Variants in NKAIN2 observed in about 807,000 individuals in gnomAD.
The protein encoded by NKAIN2 is sodium/potassium-transporting ATPase subunit beta-1-interacting protein 2.
NKAIN2 carries 14 observed loss-of-function variants against 32.6 expected under a neutral mutation model. The observed-to-expected ratio is 0.43, with a 90% confidence interval of 0.28 to 0.67. NKAIN2 has a LOEUF of 0.67. NKAIN2 is among the 30% of genes least tolerant of loss of function. NKAIN2 has a pLI of 0.17. For synonymous variants in NKAIN2, 80 were observed against 87.2 expected, an observed-to-expected ratio of 0.92 and a Z score of 0.46; for missense variants, 198 against 258.3, an observed-to-expected ratio of 0.77 and a Z score of 1.60.
chr6:123,837,818 A>G (rs541253207), intron 1 of NKAIN2, among the ~76,000 whole-genome samples: 44 of 152,232 alleles, frequency 2.9e-4, no homozygotes, highest in Non-Finnish European at 4.4e-4. Flanking sequence ...TTTACTGTGG[A>G]ACATTCCATC....
intron 3 of NKAIN2, among the ~76,000 whole-genome samples, chr6:124,400,602 A>C (rs1359505120): frequency 6.6e-6 from 1 of 152,194 alleles, no homozygotes; most frequent in African/African-American, 2.4e-5. Flanking sequence ...CTGTACACCA[A>C]GTTTCCATTA....
intron 4 of NKAIN2, among the ~76,000 whole-genome samples, chr6:124,774,774 T>G (rs1480216397): frequency 2.7e-5 from 4 of 150,452 alleles, no homozygotes; most frequent in Admixed American, 1.3e-4. Context: ...GAGAATTGCT[T>G]GAGCCCGGGA....
At chr6:124,405,765 G>T (rs1191358305) in intron 3 of NKAIN2, among the ~76,000 whole-genome samples, 5 of 152,044 alleles carry the variant, frequency 3.3e-5, no homozygotes, top group South Asian at 2.1e-4. Context: ...CCAAAATATT[G>T]TTTTAAATAC....
intron 2 of NKAIN2, among the ~76,000 whole-genome samples, chr6:124,285,138 T>C (rs753520315): frequency 2.6e-5 from 4 of 152,198 alleles, no homozygotes; most frequent in Non-Finnish European, 4.4e-5. Flanking sequence ...CTTGATTTCA[T>C]CTTGACTGGT....
intron 1 of NKAIN2, among the ~76,000 whole-genome samples, chr6:124,246,999 C>T (rs1793442567): frequency 6.6e-6 from 1 of 151,968 alleles, no homozygotes; most frequent in African/African-American, 2.4e-5. Context: ...TTTCACCTTC[C>T]TGAGGCCTCT....
rs115948856 is a variant in NKAIN2, at chr6:124,088,861, A to G, written c.55-194144A>G. On this transcript the variant is annotated intron_variant, in intron 1 of 6. Transcript: ENST00000368417. ...TACACTTAGGTTTACAAATTCATAT[A>G]TAAGTGCCTGAATACATTATTTGTC... Among the ~76,000 whole-genome samples the G allele has an allele frequency of 5.9e-3, 900 of 152,176 alleles. 7 individuals carry two copies. Among genetic ancestry groups the G allele is most frequent in the African/African-American group, 0.021 (873 of 41,558 alleles).
rs184415560 is a variant in NKAIN2 at position 124,824,896 on chromosome 6, A to G, written c.*1667A>G. ...AATATACACACACATATACATTTGA[A>G]AATGATAGAGGAACAAAGAGTTATC... On this transcript the variant is annotated 3_prime_UTR_variant, in exon 7 of 7. Transcript: ENST00000368417. The G allele has an allele frequency of 6.6e-6, 1 of 152,550 alleles. No homozygotes were observed. The highest frequency in any genetic ancestry group is 6.5e-5 in the Admixed American group (1 of 15,290). 9.4% of individuals were successfully genotyped at this position (152,550 alleles called of 1,614,324 possible).
intron 3 of NKAIN2, among the ~76,000 whole-genome samples, chr6:124,619,570 A>T (rs1783033929): frequency 6.6e-6 from 1 of 152,206 alleles, no homozygotes. Context: ...TAGAATACTT[A>T]CATGTTTGTA....
At chr6:124,371,187 T>C (rs1014944812) in intron 3 of NKAIN2, among the ~76,000 whole-genome samples, 5 of 152,106 alleles carry the variant, frequency 3.3e-5, no homozygotes, top group African/African-American at 1.2e-4. Flanking sequence ...TCAATAAATA[T>C]AAAGCTAGAA....
chr6:124,411,796 C>A (rs1455562245), intron 3 of NKAIN2, among the ~76,000 whole-genome samples: 1 of 152,224 alleles, frequency 6.6e-6, no homozygotes, highest in East Asian at 1.9e-4. Flanking sequence ...TGGTTCCATT[C>A]TCTCCGTCAC....
chr6:124,113,620 C>T (rs1470802066), intron 1 of NKAIN2, among the ~76,000 whole-genome samples: 4 of 152,084 alleles, frequency 2.6e-5, no homozygotes, highest in Admixed American at 2.6e-4. Context: ...GTCCCCCCGC[C>T]CCGACTCCCC....
At chr6:123,859,538 C>T (rs993755016) in intron 1 of NKAIN2, among the ~76,000 whole-genome samples, 2 of 152,038 alleles carry the variant, frequency 1.3e-5, no homozygotes, top group African/African-American at 4.8e-5. Context: ...TTCTCTAAAT[C>T]TTGTGCAGTA....
rs193055388 is a variant in NKAIN2 at position 124,588,581 on chromosome 6, C to T, written c.274-69605C>T. ...AGAGGTCAGTTCAATAAATGAAATT[C>T]GCTTTCAATTATATATATTAATAAT... is the stretch of plus-strand genomic sequence containing the variant. On this transcript the variant is annotated intron_variant, in intron 3 of 6. Coordinates refer to ENST00000368417, the MANE Select transcript of NKAIN2 (RefSeq NM_001040214.3). Among the ~76,000 whole-genome samples, 633 of 152,138 alleles carry T rather than the reference C, an allele frequency of 4.2e-3. 7 individuals carry two copies. The highest frequency in any genetic ancestry group is 0.014 in the African/African-American group (600 of 41,488).
At chr6:124,364,290 A>G in intron 3 of NKAIN2, among the ~76,000 whole-genome samples, 1 of 151,328 alleles carries the variant, frequency 6.6e-6, no homozygotes, top group Non-Finnish European at 1.5e-5. Flanking sequence ...GTTCAACAAA[A>G]GATTCAATAT....
At chr6:123,999,766 G>A (rs1779794269) in intron 1 of NKAIN2, among the ~76,000 whole-genome samples, 1 of 152,062 alleles carries the variant, frequency 6.6e-6, no homozygotes, top group Non-Finnish European at 1.5e-5. Flanking sequence ...GGGAATGAGA[G>A]GTCAGAGACT....
intron 3 of NKAIN2, among the ~76,000 whole-genome samples, chr6:124,494,143 C>G (rs567347526): frequency 6.6e-6 from 1 of 152,054 alleles, no homozygotes; most frequent in African/African-American, 2.4e-5. Context: ...CAAAATGAAT[C>G]GTATTGCATG....
At chr6:124,342,290 T>A (rs1321238468) in intron 2 of NKAIN2, among the ~76,000 whole-genome samples, 2 of 150,234 alleles carry the variant, frequency 1.3e-5, no homozygotes, top group African/African-American at 4.9e-5. Flanking sequence ...GCACCTGTAG[T>A]CCCAGCTACT....
At chr6:124,152,678 C>G (rs1008168211) in intron 1 of NKAIN2, among the ~76,000 whole-genome samples, 1 of 151,832 alleles carries the variant, frequency 6.6e-6, no homozygotes, top group Non-Finnish European at 1.5e-5. Context: ...TCCACAAGAA[C>G]GAAAATCAAT....
intron 1 of NKAIN2, among the ~76,000 whole-genome samples, chr6:123,960,346 C>T (rs1035586181): frequency 3.3e-5 from 5 of 152,150 alleles, no homozygotes; most frequent in Non-Finnish European, 1.5e-5. Flanking sequence ...TCATCACTTG[C>T]TTTGTGGAGG....
Sources: gnomAD v4.1 joint callset for allele counts (sites outside exome capture counted in the v4.1 genomes callset) on GRCh38, gnomAD v4.1.1 for gene constraint, MANE v1.5 for transcripts, NCBI Gene and HGNC (gene_info 2026-07-23, HGNC 2026-07-21) for gene names.